PPP2R3C: variants seen among roughly 807,000 people sequenced by gnomAD.
PPP2R3C encodes protein phosphatase 2 regulatory subunit B''gamma.
Under a neutral mutation model 63.7 loss-of-function variants are expected in PPP2R3C, and 47 were observed. That is an observed-to-expected ratio of 0.74 (90% CI 0.58 to 0.94). The LOEUF (loss-of-function observed/expected upper bound fraction) is 0.94. Ranked by LOEUF, PPP2R3C falls within the 40% of genes least tolerant of loss-of-function variation. PPP2R3C has a pLI of 0.00. For synonymous variants in PPP2R3C, 180 were observed against 177.4 expected, an observed-to-expected ratio of 1.01 and a Z score of -0.12; for missense variants, 421 against 518.4, an observed-to-expected ratio of 0.81 and a Z score of 1.82.
intron 11 of PPP2R3C, among the ~76,000 whole-genome samples, chr14:35,089,279 T>A (rs566107900): frequency 1.3e-3 from 200 of 152,172 alleles, no homozygotes; most frequent in Non-Finnish European, 2.5e-3. Flanking sequence ...ATTTTTAATT[T>A]TTTTGTAGAG....
intron 1 of PPP2R3C, among the ~76,000 whole-genome samples, chr14:35,120,313 G>T (rs941951660): frequency 2.0e-5 from 3 of 150,458 alleles, no homozygotes; most frequent in African/African-American, 7.3e-5. Flanking sequence ...GCACAATCTC[G>T]GGCTCACTGC....
intron 1 of PPP2R3C, chr14:35,117,317 G>A: frequency 7.9e-6 from 3 of 381,006 alleles, no homozygotes; most frequent in East Asian, 1.5e-4. Context: ...TGTGGACTAT[G>A]GTGACTGGTA....
intron 1 of PPP2R3C, 37 bp downstream of exon 1, chr14:35,121,865 C>A: frequency 6.2e-7 from 1 of 1,611,976 alleles, no homozygotes; most frequent in Non-Finnish European, 8.5e-7. Context: ...AGTTTAGGGC[C>A]GGGCCATCCC....
intron 10 of PPP2R3C, among the ~76,000 whole-genome samples, chr14:35,093,421 T>C (rs2138621931): frequency 6.6e-6 from 1 of 152,272 alleles, no homozygotes; most frequent in South Asian, 2.1e-4. Context: ...ATTTTCTCTA[T>C]TCATCAGGAA....
At chr14:35,091,592 C>T (rs1164345676) in intron 10 of PPP2R3C, among the ~76,000 whole-genome samples, 5 of 152,136 alleles carry the variant, frequency 3.3e-5, no homozygotes, top group Non-Finnish European at 4.4e-5. Context: ...GTCTCGAACT[C>T]CCGACCTCAG....
At chr14:35,120,282 C>G (rs946687999) in intron 1 of PPP2R3C, among the ~76,000 whole-genome samples, 2 of 151,562 alleles carry the variant, frequency 1.3e-5, no homozygotes, top group African/African-American at 4.9e-5. Context: ...GTCGCTCGGT[C>G]GCCCAGGCCG....
chr14:35,120,947 GA>G (rs553788769), intron 1 of PPP2R3C, among the ~76,000 whole-genome samples: 6 of 148,126 alleles, frequency 4.1e-5, no homozygotes, highest in South Asian at 2.1e-4. Flanking sequence ...TCCTGTATCG[GA>G]AAAAAAAAAG....
chr14:35,111,910 G>A (rs184820371), intron 2 of PPP2R3C, among the ~76,000 whole-genome samples: 2 of 152,256 alleles, frequency 1.3e-5, no homozygotes, highest in East Asian at 1.9e-4. Context: ...AGGCTGATTT[G>A]AGTAATAATA....
At chr14:35,114,820 C>A (rs1251323131) in intron 2 of PPP2R3C, among the ~76,000 whole-genome samples, 1 of 152,066 alleles carries the variant, frequency 6.6e-6, no homozygotes, top group East Asian at 1.9e-4. Context: ...TGGTGAAACC[C>A]GGTCTCTACT....
intron 6 of PPP2R3C, among the ~76,000 whole-genome samples, chr14:35,103,963 A>G (rs952096877): frequency 2.0e-5 from 3 of 152,198 alleles, no homozygotes; most frequent in Non-Finnish European, 2.9e-5. Flanking sequence ...AGAGAAGGGG[A>G]AAATTATTCC....
At chr14:35,091,002 A>T in intron 11 of PPP2R3C, 68 bp downstream of exon 11, 1 of 1,448,722 alleles carries the variant, frequency 6.9e-7, no homozygotes, top group Non-Finnish European at 9.4e-7. Context: ...GGCGTGAGCC[A>T]CTGCACCGGC....
At chr14:35,093,897 C>T (rs1002132539) in intron 10 of PPP2R3C, among the ~76,000 whole-genome samples, 15 of 152,242 alleles carry the variant, frequency 9.9e-5, no homozygotes, top group Admixed American at 6.5e-4. Context: ...GTGATCCACC[C>T]GCCTCGGCCT....
intron 7 of PPP2R3C, 64 bp from the exon 8 acceptor site, chr14:35,096,828 A>G (rs2046014459): frequency 7.0e-7 from 1 of 1,430,410 alleles, no homozygotes; most frequent in Admixed American, 2.7e-5. Context: ...AATTAATTAA[A>G]AAAAAATTTT....
intron 9 of PPP2R3C, 97 bp downstream of exon 9, chr14:35,096,461 T>C (rs2046003039): frequency 9.6e-7 from 1 of 1,046,964 alleles, no homozygotes; most frequent in Non-Finnish European, 1.4e-6. Context: ...AATATTTTGA[T>C]CTTAAGGTAT....
chr14:35,109,778 C>T (rs1240050325), intron 4 of PPP2R3C, 41 bp downstream of exon 4: 2 of 1,468,808 alleles, frequency 1.4e-6, no homozygotes. Context: ...ATTTAAAATG[C>T]TTAACATAAC....
chr14:35,120,945 C>T (rs550341369), intron 1 of PPP2R3C, among the ~76,000 whole-genome samples: 1 of 149,300 alleles, frequency 6.7e-6, no homozygotes, highest in East Asian at 2.0e-4. Context: ...GATCCTGTAT[C>T]GGAAAAAAAA....
At chr14:35,121,869 C>A in intron 1 of PPP2R3C, 33 bp downstream of exon 1, 1 of 1,612,676 alleles carries the variant, frequency 6.2e-7, no homozygotes, top group South Asian at 1.1e-5. Context: ...TAGGGCCGGG[C>A]CATCCCAACG....
chr14:35,085,888 T>C (rs930314480), intron 12 of PPP2R3C, 110 bp from the exon 13 acceptor site: 21 of 822,786 alleles, frequency 2.6e-5, no homozygotes, highest in South Asian at 1.1e-4. Context: ...AGGAATAAAA[T>C]TGAGGGCTGC....
intron 2 of PPP2R3C, among the ~76,000 whole-genome samples, chr14:35,110,948 T>C (rs1307044576): frequency 6.6e-6 from 1 of 152,014 alleles, no homozygotes; most frequent in African/African-American, 2.4e-5. Context: ...CTTAGAATGA[T>C]ATAGAATTGG....
Sources: gnomAD v4.1 joint callset for allele counts (sites outside exome capture counted in the v4.1 genomes callset) on GRCh38, gnomAD v4.1.1 for gene constraint, MANE v1.5 for transcripts, NCBI Gene and HGNC (gene_info 2026-07-23, HGNC 2026-07-21) for gene names.